The following RNF217 variants were observed in gnomAD, a reference collection of about 807,000 sequenced individuals.
RNF217 encodes E3 ubiquitin-protein ligase RNF217.
RNF217 carries 31 observed loss-of-function variants against 57.8 expected under a neutral mutation model. The observed-to-expected ratio is 0.54, with a 90% CI of 0.40 to 0.72. RNF217 has a LOEUF of 0.72. Among genes scored for constraint, RNF217 ranks in the 30% least tolerant of loss-of-function variants. The probability of loss-of-function intolerance (pLI) is 0.00; values close to 1 mark genes in which losing one functional copy is unlikely to be tolerated. For missense variants in RNF217, 696 were observed against 708.3 expected, an observed-to-expected ratio of 0.98 and a Z score of 0.20; for synonymous variants, 313 against 294.0, an observed-to-expected ratio of 1.06 and a Z score of -0.66.
intron 1 of RNF217, among the ~76,000 whole-genome samples, chr6:125,021,887 C>T (rs1410230724): frequency 6.6e-6 from 1 of 151,830 alleles, no homozygotes; most frequent in Non-Finnish European, 1.5e-5. Context: ...CCCATGCCTT[C>T]CCCCCTTTTT....
intron 1 of RNF217, among the ~76,000 whole-genome samples, chr6:125,011,750 T>G (rs562487649): frequency 6.6e-6 from 1 of 152,298 alleles, no homozygotes. Flanking sequence ...TTCATGGAAT[T>G]TTCCCATCTA....
At chr6:124,966,704 TG>T (rs1246943765) in intron 1 of RNF217, among the ~76,000 whole-genome samples, 1 of 152,226 alleles carries the variant, frequency 6.6e-6, no homozygotes, top group Non-Finnish European at 1.5e-5. Flanking sequence ...TGAATATTTT[TG>T]TAAAAGGAGA....
intron 1 of RNF217, among the ~76,000 whole-genome samples, chr6:125,013,461 A>C (rs554263493): frequency 1.6e-4 from 25 of 151,742 alleles, no homozygotes; most frequent in African/African-American, 6.0e-4. Flanking sequence ...GAATGATGCA[A>C]GAAAATGAGT....
intron 1 of RNF217, among the ~76,000 whole-genome samples, chr6:124,973,429 T>C (rs975488714): frequency 6.6e-6 from 1 of 152,350 alleles, no homozygotes; most frequent in Non-Finnish European, 1.5e-5. Context: ...ATGTGATAAT[T>C]TGATGTTTAT....
intron 5 of RNF217, among the ~76,000 whole-genome samples, chr6:125,082,189 C>T (rs994641525): frequency 4.6e-5 from 7 of 152,056 alleles, no homozygotes; most frequent in African/African-American, 9.7e-5. Flanking sequence ...GATGCTCATG[C>T]AGCTGGTTCA....
At position 125,091,568 on chromosome 6, in the gene RNF217, A is replaced by G. The variant is rs1208878001; in HGVS notation, c.*8631A>G. 1.3e-5 allele frequency: 2 copies of G among 152,178 alleles called. No homozygotes were observed. Among genetic ancestry groups the G allele is most frequent in the Non-Finnish European group, 2.9e-5 (2 of 67,986 alleles). The allele number at this position is 152,178 out of a possible 1,614,324, so 9.4% of individuals were successfully genotyped here. On this transcript the variant is annotated 3_prime_UTR_variant, in exon 6 of 6. Coordinates refer to ENST00000521654, the MANE Select transcript of RNF217 (RefSeq NM_001286398.3). ...AAATGGATATTAAACACCAGAAATT[A>G]AAGCCATTAAAATTGAATTGTACTT...
In RNF217 at chr6:125,088,350, C is replaced by G. The variant is rs1788834471; in HGVS notation, c.*5413C>G. On this transcript the variant is annotated 3_prime_UTR_variant, in exon 6 of 6. Coordinates refer to ENST00000521654, the MANE Select transcript of RNF217 (RefSeq NM_001286398.3). ...TTAAGAAAGAATTACAGTGGGACTCCTTTGAAACTCTGATTTTGAAAATAG... is the reference window on the plus strand; with the variant it reads ...TTAAGAAAGAATTACAGTGGGACTCGTTTGAAACTCTGATTTTGAAAATAG... The G allele has an allele frequency of 2.0e-5, 3 of 152,076 alleles. No individual in the cohort carries two copies. The highest frequency in any genetic ancestry group is 7.2e-5 in the African/African-American group (3 of 41,426). 9.4% of individuals were successfully genotyped at this position (152,076 alleles called of 1,614,324 possible).
chr6:124,997,795 C>T (rs1464510955), intron 1 of RNF217, among the ~76,000 whole-genome samples: 2 of 152,142 alleles, frequency 1.3e-5, no homozygotes, highest in Admixed American at 1.3e-4. Flanking sequence ...GTTGTCTCTC[C>T]CTCAAAGGCT....
At chr6:125,009,119 A>G (rs974239367) in intron 1 of RNF217, 2 of 1,014,020 alleles carry the variant, frequency 2.0e-6, no homozygotes, top group Non-Finnish European at 1.4e-6. Context: ...AAATGTATGT[A>G]TAAAGGGATT....
intron 3 of RNF217, among the ~76,000 whole-genome samples, chr6:125,063,929 A>G (rs1196763047): frequency 6.6e-6 from 1 of 152,164 alleles, no homozygotes; most frequent in Non-Finnish European, 1.5e-5. Flanking sequence ...CAATCCTATA[A>G]TAGAATGCTT....
chr6:124,962,917 C>A lies in RNF217; in HGVS notation c.373C>A (p.Gln125Lys). 2 of 1,597,954 alleles carry A rather than the reference C, an allele frequency of 1.3e-6. No individual in the cohort carries two copies. Among genetic ancestry groups the A allele is most frequent in the Non-Finnish European group, 1.7e-6 (2 of 1,179,632 alleles). ...TCGAAAAGAGGGAGGGGATGAACAG[C>A]AGGAGGCGCCCCCCGGCGAAGAGCT... is the stretch of plus-strand genomic sequence containing the variant. Reference protein sequence around the residue: ...GDRKEGGDEQQEAPPGEELEP... With the variant: ...GDRKEGGDEQKEAPPGEELEP... Residue 125 changes from glutamine (Q) to lysine (K), a missense_variant, in exon 1 of 6, where the codon CAG becomes AAG. By Grantham distance (53) the Gln-to-Lys change is moderately conservative (BLOSUM62 1). This residue lies in a region of RNF217 where 465 missense variants were observed against 386.8 expected (regional missense o/e 1.20). Coordinates refer to ENST00000521654, the MANE Select transcript of RNF217 (RefSeq NM_001286398.3). The surrounding 1 kb of genome is among the most constrained non-coding windows in gnomAD (Gnocchi z 4.6).
chr6:125,021,561 G>A (rs957553591), intron 1 of RNF217, among the ~76,000 whole-genome samples: 6 of 152,026 alleles, frequency 3.9e-5, no homozygotes, highest in African/African-American at 7.2e-5. Flanking sequence ...CACTGCACCC[G>A]GCCAGAAAAT....
At chr6:125,058,477 C>T (rs1033514465) in intron 3 of RNF217, among the ~76,000 whole-genome samples, 1 of 152,130 alleles carries the variant, frequency 6.6e-6, no homozygotes, top group African/African-American at 2.4e-5. Flanking sequence ...ATTATATAGG[C>T]TTTGAATCCT....
chr6:125,057,018 C>G (rs1214934782), intron 2 of RNF217, among the ~76,000 whole-genome samples: 2 of 152,212 alleles, frequency 1.3e-5, no homozygotes, highest in Non-Finnish European at 2.9e-5. Context: ...GTACAGGCCA[C>G]AGGGCCACTA....
chr6:125,034,606 G>A lies in RNF217; in HGVS notation c.883-10605G>A, dbSNP rs1389866238. ...CTGTTTTGGTTACTGTAGCCTTGTA[G>A]TATAGTTTGAAGTCAGGTAGCGTGA... On this transcript the variant is annotated intron_variant, in intron 1 of 5. Transcript: ENST00000521654. 1.8e-4 allele frequency among the ~76,000 whole-genome samples: 27 copies of A among 152,240 alleles called. 1 individual carries two copies. Among genetic ancestry groups the A allele is most frequent in the African/African-American group, 6.5e-4 (27 of 41,536 alleles).
intron 1 of RNF217, among the ~76,000 whole-genome samples, chr6:124,966,204 A>C (rs556290720): frequency 1.3e-5 from 2 of 152,356 alleles, no homozygotes. Flanking sequence ...GGTTAAAAAT[A>C]CAGGATTGTG....
chr6:125,077,884 C>G (rs1788437531), intron 4 of RNF217, among the ~76,000 whole-genome samples: 1 of 152,120 alleles, frequency 6.6e-6, no homozygotes, highest in Non-Finnish European at 1.5e-5. Context: ...AACCATTTTC[C>G]TCCTTAGAAG....
At chr6:125,042,904 C>G (rs1786940670) in intron 1 of RNF217, among the ~76,000 whole-genome samples, 1 of 152,072 alleles carries the variant, frequency 6.6e-6, no homozygotes, top group African/African-American at 2.4e-5. Context: ...AATTCAGGCT[C>G]TTAATCACAG....
chr6:124,996,970 T>C (rs1784777896), intron 1 of RNF217, among the ~76,000 whole-genome samples: 1 of 152,194 alleles, frequency 6.6e-6, no homozygotes, highest in Non-Finnish European at 1.5e-5. Flanking sequence ...ACAGTGGAGA[T>C]GCATAAAATA....
Sources: allele counts gnomAD v4.1 joint callset (sites outside exome capture counted in the v4.1 genomes callset), GRCh38; gene constraint gnomAD v4.1.1; regional missense constraint gnomAD v4.1.1; non-coding constraint Gnocchi (gnomAD v3.1); transcripts MANE v1.5; gene names NCBI Gene and HGNC (gene_info 2026-07-23, HGNC 2026-07-21).